Variants in FLT3 observed in about 807,000 individuals in gnomAD.
The protein encoded by FLT3 is receptor-type tyrosine-protein kinase FLT3.
Under a neutral mutation model 126.6 loss-of-function variants are expected in FLT3, and 46 were observed. The observed-to-expected ratio is 0.36, with a 90% confidence interval of 0.29 to 0.46. FLT3 has a LOEUF of 0.46. Ranked by LOEUF, FLT3 falls within the 20% of genes least tolerant of loss-of-function variation. FLT3 has a pLI of 1.00. For missense variants in FLT3, 1,069 were observed against 1,190.3 expected (o/e 0.90, Z 1.50); for synonymous variants, 404 against 434.4 (o/e 0.93, Z 0.87).
intron 19 of FLT3, among the ~76,000 whole-genome samples, chr13:28,021,958 C>T (rs563174871): frequency 6.6e-6 from 1 of 152,022 alleles, no homozygotes; most frequent in Non-Finnish European, 1.5e-5. Context: ...AGGATGGTCT[C>T]GATCTCCTGA....
At chr13:28,038,662 C>T (rs1360444177) in intron 9 of FLT3, among the ~76,000 whole-genome samples, 3 of 152,004 alleles carry the variant, frequency 2.0e-5, no homozygotes. Context: ...ACCGTGTTAG[C>T]CAGGATGGTC....
At chr13:28,005,779 C>T (rs1870829258) in intron 23 of FLT3, among the ~76,000 whole-genome samples, 1 of 152,180 alleles carries the variant, frequency 6.6e-6, no homozygotes, top group South Asian at 2.1e-4. Flanking sequence ...ACTATATTTT[C>T]CAGAGCCTTC....
At chr13:28,020,526 T>G (rs1872292950) in intron 19 of FLT3, among the ~76,000 whole-genome samples, 1 of 152,034 alleles carries the variant, frequency 6.6e-6, no homozygotes, top group Non-Finnish European at 1.5e-5. Flanking sequence ...TTTCTATTCT[T>G]AGTAGAGATG....
chr13:28,074,933 C>T (rs1877822871), intron 1 of FLT3, among the ~76,000 whole-genome samples: 1 of 152,136 alleles, frequency 6.6e-6, no homozygotes, highest in South Asian at 2.1e-4. Flanking sequence ...TGCGCTCAGC[C>T]CTCATTGTGG....
intron 1 of FLT3, 51 bp from the exon 2 acceptor site, chr13:28,070,663 G>C: frequency 7.1e-7 from 1 of 1,410,614 alleles, no homozygotes; most frequent in Non-Finnish European, 9.8e-7. Flanking sequence ...ACCTTAAAAA[G>C]AAAACATGCA....
intron 1 of FLT3, among the ~76,000 whole-genome samples, chr13:28,084,203 G>A (rs935301814): frequency 5.9e-5 from 9 of 151,828 alleles, no homozygotes; most frequent in African/African-American, 2.2e-4. Context: ...ATGTTACCCA[G>A]GCTGGTCTTG....
At chr13:28,068,853 A>G (rs952916980) in intron 2 of FLT3, among the ~76,000 whole-genome samples, 11 of 152,194 alleles carry the variant, frequency 7.2e-5, no homozygotes, top group African/African-American at 2.4e-4. Flanking sequence ...CTGGGATTAC[A>G]GGTGTGAGCT....
chr13:28,014,637 C>G, intron 22 of FLT3, 80 bp from the exon 23 acceptor site: 1 of 939,654 alleles, frequency 1.1e-6, no homozygotes, highest in Non-Finnish European at 1.7e-6. Context: ...TAATGAAGCA[C>G]CATTTATTCC....
intron 5 of FLT3, among the ~76,000 whole-genome samples, chr13:28,051,489 G>A (rs1281854561): frequency 6.7e-6 from 1 of 150,334 alleles, no homozygotes; most frequent in Non-Finnish European, 1.5e-5. Flanking sequence ...TGCCTGCCTC[G>A]GCCTCCCAAA....
At chr13:28,089,972 T>G (rs1878926391) in intron 1 of FLT3, among the ~76,000 whole-genome samples, 2 of 151,564 alleles carry the variant, frequency 1.3e-5, no homozygotes, top group Non-Finnish European at 2.9e-5. Context: ...AACTCCTGAC[T>G]TCAAATGATC....
Position 28,100,174 on chromosome 13 carries a change from CT to C in FLT3, c.43+293del, listed in dbSNP as rs1329497901. The stretch of plus-strand genomic sequence containing the variant: ...AGCTGCCCCAGACCCGGCGCAGCGC[CT>C]CGGCGAGGCCGTCTGCGAAGTCCGG... On this transcript the variant is annotated intron_variant, in intron 1 of 23. Coordinates refer to ENST00000241453, the MANE Select transcript of FLT3 (RefSeq NM_004119.3). The surrounding 1 kb of genome is among the most constrained non-coding windows in gnomAD (Gnocchi z 4.8). 6.6e-6 allele frequency among the ~76,000 whole-genome samples: 1 copy of C among 152,048 alleles called. No individual in the cohort carries two copies. The highest frequency in any genetic ancestry group is 1.5e-5 in the Non-Finnish European group (1 of 67,992).
At chr13:28,023,584 A>G in intron 18 of FLT3, 107 bp from the exon 19 acceptor site, 1 of 1,217,610 alleles carries the variant, frequency 8.2e-7, no homozygotes, top group Non-Finnish European at 1.2e-6. Context: ...GTGCTAAGAC[A>G]TGAAGCTATC....
At chr13:28,073,749 T>C (rs9581975) in intron 1 of FLT3, among the ~76,000 whole-genome samples, 32,085 of 151,600 alleles carry the variant, frequency 0.21, 3,503 homozygotes, top group African/African-American at 0.26. Flanking sequence ...GGCTGAGAGA[T>C]AGAGTGAAAC....
chr13:28,070,648 T>A (rs778399371), intron 1 of FLT3, 36 bp from the exon 2 acceptor site: 1 of 1,516,222 alleles, frequency 6.6e-7, no homozygotes, highest in Admixed American at 1.8e-5. Flanking sequence ...TGTTGATACA[T>A]GCACACCTTA....
Position 28,087,946 on chromosome 13 carries a change from T to C in FLT3, c.43+12522A>G, listed in dbSNP as rs1425031497. Among the ~76,000 whole-genome samples the C allele has an allele frequency of 2.4e-4, 36 of 152,208 alleles. 1 individual carries two copies. The highest frequency in any genetic ancestry group is 2.4e-3 in the Admixed American group (36 of 15,272). On this transcript the variant is annotated intron_variant, in intron 1 of 23. Transcript: ENST00000241453. Reference sequence around the variant, plus strand: ...AATATTGTTATAATAACCGTTTTAATTTTCTTGCCCACTAATTCCACATTT... The same window carrying C: ...AATATTGTTATAATAACCGTTTTAACTTTCTTGCCCACTAATTCCACATTT...
chr13:28,014,319 T>C, intron 23 of FLT3, 133 bp downstream of exon 23: 1 of 645,838 alleles, frequency 1.5e-6, no homozygotes. Context: ...CCACACAACT[T>C]TGAAAGGGCA....
chr13:28,089,359 A>T (rs1463749257), intron 1 of FLT3, among the ~76,000 whole-genome samples: 1 of 152,182 alleles, frequency 6.6e-6, no homozygotes, highest in Non-Finnish European at 1.5e-5. Context: ...ACTCTGAGGT[A>T]TTTACCCAAA....
At chr13:28,086,994 G>A (rs1444436849) in intron 1 of FLT3, among the ~76,000 whole-genome samples, 1 of 152,076 alleles carries the variant, frequency 6.6e-6, no homozygotes, top group Non-Finnish European at 1.5e-5. Flanking sequence ...GTCTGGTAGT[G>A]ATTGTTTCTT....
Position 28,057,471 on chromosome 13 carries a change from C to G in FLT3, c.369-9G>C, listed in dbSNP as rs988818021. ...CCATGGAAACAACTCCTCTGCAAAA[C>G]AGGAAAGAGAACTAGTTATTTTGGA... On this transcript the variant is annotated splice_polypyrimidine_tract_variant and intron_variant, in intron 3 of 23. Transcript: ENST00000241453. 8.1e-7 allele frequency: 1 copy of G among 1,242,176 alleles called. No homozygotes were observed. Among genetic ancestry groups the G allele is most frequent in the Non-Finnish European group, 1.2e-6 (1 of 841,660 alleles). 76.9% of individuals were successfully genotyped at this position (1,242,176 alleles called of 1,614,324 possible). A position where few individuals can be genotyped will look rare whatever the true frequency, so the allele number is the denominator to read the frequency against.
Sources: gnomAD v4.1 joint callset for allele counts (sites outside exome capture counted in the v4.1 genomes callset) on GRCh38, gnomAD v4.1.1 for gene constraint, Gnocchi (gnomAD v3.1) non-coding constraint, MANE v1.5 for transcripts, NCBI Gene and HGNC (gene_info 2026-07-23, HGNC 2026-07-21) for gene names.